Variants in SV2B observed in about 807,000 individuals in gnomAD.
SV2B encodes solute carrier family 22 member B2.
SV2B carries 41 observed loss-of-function variants against 73.9 expected under a neutral mutation model. The observed-to-expected ratio is 0.56, with a 90% CI of 0.43 to 0.72. The LOEUF is 0.72. SV2B is among the 30% of genes least tolerant of loss of function. SV2B has a pLI of 0.00. For missense variants in SV2B, 764 were observed against 857.8 expected, an observed-to-expected ratio of 0.89 and a Z score of 1.37; for synonymous variants, 314 against 314.2, an observed-to-expected ratio of 1.00 and a Z score of 0.01.
rs559276241 is a variant in SV2B at position 91,276,675 on chromosome 15, G to A, written c.1374-5053G>A. 1.5e-4 allele frequency among the ~76,000 whole-genome samples: 23 copies of A among 151,724 alleles called. No homozygotes were observed. In the South Asian group the frequency reaches 4.8e-3, roughly 32 times the overall value. ...CGTTTCTTTCTGAATCTTATAGCTT[G>A]CATCTTTTTGCTGGAATTTCTCAAC... On this transcript the variant is annotated intron_variant, in intron 9 of 12. Coordinates refer to ENST00000394232, the MANE Select transcript of SV2B (RefSeq NM_001323032.3).
chr15:91,286,750 C>T (rs2048873456), intron 11 of SV2B, among the ~76,000 whole-genome samples: 1 of 152,070 alleles, frequency 6.6e-6, no homozygotes, highest in South Asian at 2.1e-4. Flanking sequence ...TGAGACAGCT[C>T]ACAGAAAGGT....
intron 1 of SV2B, among the ~76,000 whole-genome samples, chr15:91,201,651 G>T (rs577816009): frequency 1.3e-5 from 2 of 152,166 alleles, no homozygotes; most frequent in Non-Finnish European, 2.9e-5. Flanking sequence ...TCAGTTCATG[G>T]CAAATCCATC....
intron 1 of SV2B, among the ~76,000 whole-genome samples, chr15:91,165,223 G>A (rs1384460582): frequency 6.6e-6 from 1 of 152,116 alleles, no homozygotes; most frequent in Non-Finnish European, 1.5e-5. Context: ...TGTAATCCCA[G>A]CTACCTGGAA....
chr15:91,243,674 C>T (rs1340381611), intron 2 of SV2B, among the ~76,000 whole-genome samples: 1 of 152,164 alleles, frequency 6.6e-6, no homozygotes, highest in East Asian at 1.9e-4. Flanking sequence ...GGTTATCCAT[C>T]TCCTGCGATG....
chr15:91,252,445 A>T lies in SV2B; in HGVS notation c.709A>T (p.Ser237Cys). ...TCGGGAGAAGCGAGGAGAACACCTC[A>T]GTTGGCTGGGCATCTTCTGGATGAC... is the stretch of plus-strand genomic sequence containing the variant. ...LSREKRGEHL[S>C]WLGIFWMTGG... Residue 237 changes from serine (S) to cysteine (C), a missense_variant, in exon 4 of 13, where the codon AGT becomes TGT. Transcript: ENST00000394232. This position sits in a 1 kb window ranked among gnomAD's most constrained non-coding sequence, Gnocchi z 4.6. 1 of 1,613,746 alleles carries T rather than the reference A, an allele frequency of 6.2e-7. No individual in the cohort carries two copies. The highest frequency in any genetic ancestry group is 8.5e-7 in the Non-Finnish European group (1 of 1,179,832).
At position 91,300,538 on chromosome 15, in the gene SV2B, C is replaced by G. The variant is rs1270371335; in HGVS notation, c.*7986C>G. On this transcript the variant is annotated 3_prime_UTR_variant, in exon 13 of 13. Transcript: ENST00000394232. ...AATCTTTGGGCTCCAAAGAGCAATT[C>G]TGAAGGATTAACAGGTTTCATTCTC... 6.6e-6 allele frequency: 1 copy of G among 152,216 alleles called. No homozygotes were observed. The highest frequency in any genetic ancestry group is 1.5e-5 in the Non-Finnish European group (1 of 68,046). 9.4% of individuals were successfully genotyped at this position (152,216 alleles called of 1,614,324 possible).
chr15:91,204,104 G>A (rs960169598), intron 1 of SV2B, among the ~76,000 whole-genome samples: 1 of 152,248 alleles, frequency 6.6e-6, no homozygotes, highest in Non-Finnish European at 1.5e-5. Context: ...GTGGGCTGGG[G>A]ATGGGAGGCT....
At position 91,137,445 on chromosome 15, in the gene SV2B, A is replaced by T. The variant is rs1255516035; in HGVS notation, c.-392+37082A>T. On this transcript the variant is annotated intron_variant, in intron 1 of 12. Transcript: ENST00000394232. This position sits in a 1 kb window ranked among gnomAD's most constrained non-coding sequence, Gnocchi z 4.9. ...TGGATGAAGCAGTTAACAAATCACT[A>T]GTGAGTAACTGTGTGTCAGGCATGA... is the stretch of plus-strand genomic sequence containing the variant. Among the ~76,000 whole-genome samples the T allele has an allele frequency of 6.6e-6, 1 of 151,788 alleles. No homozygotes were observed. Among genetic ancestry groups the T allele is most frequent in the Non-Finnish European group, 1.5e-5 (1 of 67,972 alleles).
rs1195924356 is a variant in SV2B, at chr15:91,245,780, C to CA, written c.452-6035dup. 2.0e-5 allele frequency among the ~76,000 whole-genome samples: 3 copies of CA among 151,966 alleles called. No homozygotes were observed. Among genetic ancestry groups the CA allele is most frequent in the East Asian group, 1.9e-4 (1 of 5,184 alleles). ...CAAAGGAAAAGCAATAGTATGCTGCCAAAAGACTATCAGGGACGACTGAAA... is the reference window on the plus strand; with the variant it reads ...CAAAGGAAAAGCAATAGTATGCTGCCAAAAAGACTATCAGGGACGACTGAAA... On this transcript the variant is annotated intron_variant, in intron 2 of 12. Coordinates refer to ENST00000394232, the MANE Select transcript of SV2B (RefSeq NM_001323032.3). The surrounding 1 kb of genome is among the most constrained non-coding windows in gnomAD (Gnocchi z 4.2).
chr15:91,219,836 A>G (rs141931219), intron 1 of SV2B, among the ~76,000 whole-genome samples: 33 of 152,232 alleles, frequency 2.2e-4, no homozygotes, highest in African/African-American at 7.0e-4. Context: ...CTTTCTTTCT[A>G]TGGATTTGCA....
At chr15:91,145,117 T>C (rs187666914) in intron 1 of SV2B, among the ~76,000 whole-genome samples, 2 of 152,330 alleles carry the variant, frequency 1.3e-5, no homozygotes, top group African/African-American at 4.8e-5. Flanking sequence ...TAGTTATTGT[T>C]CCTGATCCTC....
chr15:91,269,772 A>G (rs186402925), intron 9 of SV2B, among the ~76,000 whole-genome samples: 7 of 152,366 alleles, frequency 4.6e-5, no homozygotes, highest in Admixed American at 1.3e-4. Flanking sequence ...ATTTCTACCA[A>G]TATCAGACCT....
In SV2B at chr15:91,287,098, C is replaced by A. The variant is rs1191690707; in HGVS notation, c.1709-2423C>A. Among the ~76,000 whole-genome samples, 4 of 152,184 alleles carry A rather than the reference C, an allele frequency of 2.6e-5. No individual in the cohort carries two copies. The East Asian group carries it at 7.7e-4, about 29-fold the overall frequency. On this transcript the variant is annotated intron_variant, in intron 11 of 12. Coordinates refer to ENST00000394232, the MANE Select transcript of SV2B (RefSeq NM_001323032.3). ...GATGCCAGTTTCCCCTGTTCTAGTT[C>A]TCTCCTAGCTTTTGGAAAAAGGTTA...
chr15:91,191,926 C>T (rs999584149), intron 1 of SV2B, among the ~76,000 whole-genome samples: 2 of 151,918 alleles, frequency 1.3e-5, no homozygotes, highest in African/African-American at 4.8e-5. Context: ...TCCTATTTTC[C>T]ACTGGATACG....
chr15:91,207,261 G>A (rs961718450), intron 1 of SV2B, among the ~76,000 whole-genome samples: 29 of 150,198 alleles, frequency 1.9e-4, no homozygotes, highest in African/African-American at 6.9e-4. Context: ...GAGTTCAAGC[G>A]ATCCTCTTAC....
chr15:91,282,110 C>G (rs988796128), intron 10 of SV2B, among the ~76,000 whole-genome samples: 1 of 152,202 alleles, frequency 6.6e-6, no homozygotes, highest in Admixed American at 6.5e-5. Context: ...AAGTTGTAGC[C>G]AAATGTCCTC....
In SV2B at chr15:91,240,341, A is replaced by T. The variant is rs1466087932; in HGVS notation, c.452-11478A>T. Among the ~76,000 whole-genome samples the T allele has an allele frequency of 6.6e-6, 1 of 152,154 alleles. No homozygotes were observed. The highest frequency in any genetic ancestry group is 1.5e-5 in the Non-Finnish European group (1 of 68,044). ...ATAAGATAAAGCCCATAAAGGGCTC[A>T]TCACAGTTCCTGGCACACAGTAAGG... On this transcript the variant is annotated intron_variant, in intron 2 of 12. Coordinates refer to ENST00000394232, the MANE Select transcript of SV2B (RefSeq NM_001323032.3). This position sits in a 1 kb window ranked among gnomAD's most constrained non-coding sequence, Gnocchi z 4.6.
At chr15:91,190,528 A>G (rs370689287) in intron 1 of SV2B, among the ~76,000 whole-genome samples, 14 of 152,320 alleles carry the variant, frequency 9.2e-5, no homozygotes, top group South Asian at 6.2e-4. Context: ...GTAGTCATAA[A>G]TACTTATTTG....
rs1251561507 is a variant in SV2B at position 91,261,946 on chromosome 15, C to T, written c.1008+1537C>T. Among the ~76,000 whole-genome samples, 2 of 152,224 alleles carry T rather than the reference C, an allele frequency of 1.3e-5. No homozygotes were observed. Among genetic ancestry groups the T allele is most frequent in the African/African-American group, 4.8e-5 (2 of 41,452 alleles). On this transcript the variant is annotated intron_variant, in intron 6 of 12. Coordinates refer to ENST00000394232, the MANE Select transcript of SV2B (RefSeq NM_001323032.3). This position sits in a 1 kb window ranked among gnomAD's most constrained non-coding sequence, Gnocchi z 4.7. ...ACTTCCCCTACTTCAAATCCATTTT[C>T]TCAAGGAAACCTTCCTGGAGTAACT...
Sources: allele counts gnomAD v4.1 joint callset (sites outside exome capture counted in the v4.1 genomes callset), GRCh38; gene constraint gnomAD v4.1.1; non-coding constraint Gnocchi (gnomAD v3.1); transcripts MANE v1.5; gene names NCBI Gene and HGNC (gene_info 2026-07-23, HGNC 2026-07-21).